The following PCDHGB7 variants were observed in gnomAD, a reference collection of about 807,000 sequenced individuals.
PCDHGB7 encodes the protein protocadherin gamma-B7.
Under a neutral mutation model 61.4 loss-of-function variants are expected in PCDHGB7, and 37 were observed. That is an observed-to-expected ratio of 0.60 (90% CI 0.46 to 0.79). PCDHGB7 has a LOEUF of 0.79. PCDHGB7 is among the 30% of genes least tolerant of loss of function. The pLI is 0.00. For synonymous variants in PCDHGB7, 464 were observed against 503.5 expected (o/e 0.92, Z 1.05); for missense variants, 1,166 against 1,202.5 (o/e 0.97, Z 0.45).
intron 1 of PCDHGB7, chr5:141,421,282 A>G (rs762064258): frequency 7.4e-6 from 12 of 1,613,034 alleles, no homozygotes; most frequent in Non-Finnish European, 1.0e-5. Context: ...GCTGCTGTGC[A>G]TTTTCCTGGG....
Position 141,432,608 on chromosome 5 carries a change from T to G in PCDHGB7, c.2415+12334T>G. ...GCTCAAGGCCAGCGAGCCGGGACTC[T>G]TCTCGGTGGGTCTGCACACGGGCGA... On this transcript the variant is annotated intron_variant, in intron 1 of 3. Transcript: ENST00000398594. This position sits in a 1 kb window ranked among gnomAD's most constrained non-coding sequence, Gnocchi z 6.0. The G allele has an allele frequency of 6.2e-7, 1 of 1,613,864 alleles. No individual in the cohort carries two copies. The highest frequency in any genetic ancestry group is 8.5e-7 in the Non-Finnish European group (1 of 1,179,964).
chr5:141,417,832 G>C lies in PCDHGB7; in HGVS notation c.-28G>C. On this transcript the variant is annotated 5_prime_UTR_variant, in exon 1 of 4. Transcript: ENST00000398594. ...GTGCACTTTCTCCAACTGGAAAAGCGGGGACCCAGCGAGAACCCGAGCGAA... is the reference window on the plus strand; with the variant it reads ...GTGCACTTTCTCCAACTGGAAAAGCCGGGACCCAGCGAGAACCCGAGCGAA... 6.5e-7 allele frequency: 1 copy of C among 1,528,846 alleles called. No homozygotes were observed. The allele number at this position is 1,528,846 out of a possible 1,614,324, so 94.7% of individuals were successfully genotyped here.
At chr5:141,461,663 G>C (rs1230719552) in intron 1 of PCDHGB7, among the ~76,000 whole-genome samples, 1 of 151,984 alleles carries the variant, frequency 6.6e-6, no homozygotes, top group Admixed American at 6.6e-5. Flanking sequence ...TTATTTTAAA[G>C]TTTGTTATTT....
At chr5:141,439,445 G>A (rs1030957687) in intron 1 of PCDHGB7, among the ~76,000 whole-genome samples, 5 of 152,102 alleles carry the variant, frequency 3.3e-5, no homozygotes, top group African/African-American at 4.8e-5. Flanking sequence ...ATTTTATTGC[G>A]GGAGCAAGAC....
intron 1 of PCDHGB7, among the ~76,000 whole-genome samples, chr5:141,481,728 C>T (rs529419213): frequency 2.1e-4 from 32 of 152,032 alleles, no homozygotes; most frequent in African/African-American, 7.2e-4. Flanking sequence ...CGGAGGCGGG[C>T]GGATCACGAG....
At chr5:141,459,302 A>T (rs1401348885) in intron 1 of PCDHGB7, among the ~76,000 whole-genome samples, 1 of 152,210 alleles carries the variant, frequency 6.6e-6, no homozygotes, top group African/African-American at 2.4e-5. Flanking sequence ...CCTATAACAT[A>T]TACTATTTTG....
intron 3 of PCDHGB7, among the ~76,000 whole-genome samples, chr5:141,506,454 A>G (rs2099853946): frequency 6.6e-6 from 1 of 151,844 alleles, no homozygotes; most frequent in African/African-American, 2.4e-5. Context: ...CAAAAAAAAA[A>G]AAAAAAAAAA....
intron 1 of PCDHGB7, chr5:141,478,602 T>C (rs2099466537): frequency 6.4e-7 from 1 of 1,563,560 alleles, no homozygotes; most frequent in Admixed American, 1.9e-5. Context: ...TCCTACATCA[T>C]ATTGAGGAAG....
chr5:141,509,320 C>T (rs1261653347), intron 3 of PCDHGB7, among the ~76,000 whole-genome samples: 2 of 152,194 alleles, frequency 1.3e-5, no homozygotes, highest in East Asian at 3.8e-4. Flanking sequence ...GGGAGAGAAG[C>T]TCTACTGCCA....
chr5:141,440,103 A>G (rs1391819927), intron 1 of PCDHGB7: 1 of 152,222 alleles, frequency 6.6e-6, no homozygotes, highest in Non-Finnish European at 1.5e-5. Flanking sequence ...GAAAGTGGAG[A>G]CTTACTTGTG....
chr5:141,456,703 G>A (rs528071544), intron 1 of PCDHGB7, among the ~76,000 whole-genome samples: 37 of 152,180 alleles, frequency 2.4e-4, no homozygotes, highest in Non-Finnish European at 4.9e-4. Context: ...GGTGGCTCGC[G>A]CCTGTAATCC....
Position 141,486,793 on chromosome 5 carries a change from G to C in PCDHGB7, c.2416-8014G>C. ...AGTTTGAGGTGCAGGCCCGGGATCG[G>C]GGCAACCCACCCCTTAGCAGCACTG... is the stretch of plus-strand genomic sequence containing the variant. On this transcript the variant is annotated intron_variant, in intron 1 of 3. Transcript: ENST00000398594. This position sits in a 1 kb window ranked among gnomAD's most constrained non-coding sequence, Gnocchi z 5.0. 6.2e-7 allele frequency: 1 copy of C among 1,614,244 alleles called. No homozygotes were observed. Among genetic ancestry groups the C allele is most frequent in the Non-Finnish European group, 8.5e-7 (1 of 1,180,050 alleles).
chr5:141,500,403 G>GT (rs2099800018), intron 2 of PCDHGB7, among the ~76,000 whole-genome samples: 1 of 151,706 alleles, frequency 6.6e-6, no homozygotes, highest in Non-Finnish European at 1.5e-5. Context: ...TAGAGACGGG[G>GT]TTTCACCGTG....
chr5:141,489,260 CACA>C lies in PCDHGB7; in HGVS notation c.2416-5546_2416-5544del, dbSNP rs1242559724. 1 of 1,552,022 alleles carries C rather than the reference CACA, an allele frequency of 6.4e-7. No individual in the cohort carries two copies. Among genetic ancestry groups the C allele is most frequent in the Non-Finnish European group, 8.7e-7 (1 of 1,149,038 alleles). ...TGGGTCATGGGGCCCAAGACACTCCCACAGCTCGCTGGGAAATGGCAAGTGCTG... is the reference window on the plus strand; with the variant it reads ...TGGGTCATGGGGCCCAAGACACTCCCGCTCGCTGGGAAATGGCAAGTGCTG... On this transcript the variant is annotated intron_variant, in intron 1 of 3. Coordinates refer to ENST00000398594, the MANE Select transcript of PCDHGB7 (RefSeq NM_018927.4). The surrounding 1 kb of genome is among the most constrained non-coding windows in gnomAD (Gnocchi z 4.5).
At chr5:141,467,103 AGTACAATG>A (rs1438695307) in intron 1 of PCDHGB7, among the ~76,000 whole-genome samples, 1 of 147,462 alleles carries the variant, frequency 6.8e-6, no homozygotes, top group East Asian at 2.0e-4. Flanking sequence ...CACAGGCTGG[AGTACAATG>A]GTGCAATCTC....
chr5:141,481,733 C>A (rs2099543522), intron 1 of PCDHGB7, among the ~76,000 whole-genome samples: 1 of 152,078 alleles, frequency 6.6e-6, no homozygotes, highest in Admixed American at 6.6e-5. Context: ...GCGGGCGGAT[C>A]ACGAGGTCAG....
chr5:141,482,758 T>TGC (rs1413945459), intron 1 of PCDHGB7, among the ~76,000 whole-genome samples: 74 of 141,724 alleles, frequency 5.2e-4, no homozygotes, highest in African/African-American at 9.9e-4. Flanking sequence ...ATTATGGTAT[T>TGC]TCATTATCAC....
rs777487681 is a variant in PCDHGB7, at chr5:141,432,809, T to C, written c.2415+12535T>C. 2.5e-6 allele frequency: 4 copies of C among 1,613,280 alleles called. No individual in the cohort carries two copies. In the African/African-American group the frequency reaches 5.4e-5, roughly 22 times the overall value. The stretch of plus-strand genomic sequence containing the variant: ...CGGCAGCCTCGAGTCTCCAGCTAAC[T>C]CTGAAACCTCAGACCTCACTCTGTA... On this transcript the variant is annotated intron_variant, in intron 1 of 3. Coordinates refer to ENST00000398594, the MANE Select transcript of PCDHGB7 (RefSeq NM_018927.4). The surrounding 1 kb of genome is among the most constrained non-coding windows in gnomAD (Gnocchi z 6.0).
chr5:141,470,369 T>C (rs751264270), intron 1 of PCDHGB7, among the ~76,000 whole-genome samples: 2 of 152,226 alleles, frequency 1.3e-5, no homozygotes, highest in Non-Finnish European at 1.5e-5. Context: ...TTAGGTTGAA[T>C]GGAAAGACTA....
Sources: allele counts gnomAD v4.1 joint callset (sites outside exome capture counted in the v4.1 genomes callset), GRCh38; gene constraint gnomAD v4.1.1; non-coding constraint Gnocchi (gnomAD v3.1); transcripts MANE v1.5; gene names NCBI Gene and HGNC (gene_info 2026-07-23, HGNC 2026-07-21).